Variants in PLPP4 observed in about 807,000 individuals in gnomAD.
PLPP4 encodes the protein phospholipid phosphatase 4, also known as diacylglycerol pyrophosphate like 2.
Under a neutral mutation model 32.2 loss-of-function variants are expected in PLPP4, and 20 were observed. The observed-to-expected ratio is 0.62, with a 90% CI of 0.44 to 0.90. The LOEUF (loss-of-function observed/expected upper bound fraction) is 0.90, where lower values mean the gene tolerates loss of function less well. PLPP4 is among the 40% of genes least tolerant of loss of function. PLPP4 has a pLI of 0.00. For synonymous variants in PLPP4, 127 were observed against 133.0 expected, an observed-to-expected ratio of 0.95 and a Z score of 0.31; for missense variants, 257 against 353.1, an observed-to-expected ratio of 0.73 and a Z score of 2.18.
chr10:120,489,088 G>T (rs1326662), intron 1 of PLPP4, among the ~76,000 whole-genome samples: 4 of 151,962 alleles, frequency 2.6e-5, no homozygotes, highest in Admixed American at 2.6e-4. Flanking sequence ...TGAAGATGAC[G>T]TCTCATTTAC....
At chr10:120,574,179 C>CTCTCT (rs1187151167) in intron 5 of PLPP4, among the ~76,000 whole-genome samples, 59 of 83,178 alleles carry the variant, frequency 7.1e-4, no homozygotes, top group Non-Finnish European at 9.4e-4. Flanking sequence ...CTCTCTCTCT[C>CTCTCT]TCTCTCTCTC....
intron 6 of PLPP4, chr10:120,580,943 C>G (rs1849477434): frequency 1.6e-6 from 2 of 1,289,214 alleles, no homozygotes. Flanking sequence ...TTACCATCGG[C>G]TGCCAACCCC....
At chr10:120,479,401 A>G (rs760141306) in intron 1 of PLPP4, among the ~76,000 whole-genome samples, 3 of 152,238 alleles carry the variant, frequency 2.0e-5, no homozygotes, top group African/African-American at 7.2e-5. Context: ...TAGAAAAACT[A>G]TCACTGAGCA....
At chr10:120,588,181 A>C (rs554491351) in intron 6 of PLPP4, among the ~76,000 whole-genome samples, 1 of 152,378 alleles carries the variant, frequency 6.6e-6, no homozygotes, top group African/African-American at 2.4e-5. Context: ...CTGGACTAGA[A>C]TCTTTTCAGC....
chr10:120,563,308 A>G (rs976900063), intron 5 of PLPP4, among the ~76,000 whole-genome samples: 1 of 152,256 alleles, frequency 6.6e-6, no homozygotes, highest in Non-Finnish European at 1.5e-5. Flanking sequence ...TGATAGATCA[A>G]ACATAAATTG....
intron 6 of PLPP4, among the ~76,000 whole-genome samples, chr10:120,586,141 T>C (rs2134085698): frequency 6.6e-6 from 1 of 151,776 alleles, no homozygotes; most frequent in African/African-American, 2.4e-5. Flanking sequence ...TTTTCTTTTT[T>C]TTTTTTTTAA....
At chr10:120,533,330 A>G (rs955754175) in intron 5 of PLPP4, among the ~76,000 whole-genome samples, 8 of 152,258 alleles carry the variant, frequency 5.3e-5, no homozygotes, top group South Asian at 2.1e-4. Flanking sequence ...AAAATTTTCT[A>G]TGCAAATCCT....
intron 6 of PLPP4, among the ~76,000 whole-genome samples, chr10:120,588,403 T>C (rs1160026202): frequency 6.6e-6 from 1 of 152,218 alleles, no homozygotes; most frequent in African/African-American, 2.4e-5. Context: ...GTAAGATCTG[T>C]ATCTGTTAGA....
chr10:120,575,981 A>G (rs1001344802), intron 6 of PLPP4, among the ~76,000 whole-genome samples: 1 of 152,180 alleles, frequency 6.6e-6, no homozygotes, highest in Non-Finnish European at 1.5e-5. Context: ...GACGGAGGTG[A>G]TGTCCATGGG....
chr10:120,582,753 CCCTCCCTCCCTCCCTCCCTT>C (rs1251146062), intron 6 of PLPP4, among the ~76,000 whole-genome samples: 41 of 67,966 alleles, frequency 6.0e-4, no homozygotes, highest in African/African-American at 2.4e-3. Context: ...TGTAAATATT[CCCTCCCTCCCTCCCTCCCTT>C]CCTCCCTCCC....
chr10:120,519,823 G>A (rs1224056760), intron 4 of PLPP4, among the ~76,000 whole-genome samples: 1 of 152,206 alleles, frequency 6.6e-6, no homozygotes, highest in Non-Finnish European at 1.5e-5. Flanking sequence ...TTCACCCGTG[G>A]TAGGTGCTCA....
chr10:120,549,427 A>G (rs1228580309), intron 5 of PLPP4, among the ~76,000 whole-genome samples: 1 of 151,714 alleles, frequency 6.6e-6, no homozygotes, highest in East Asian at 1.9e-4. Flanking sequence ...TTAATCATAC[A>G]TTTAAGGAAG....
intron 5 of PLPP4, among the ~76,000 whole-genome samples, chr10:120,525,895 A>G (rs1846367448): frequency 6.6e-6 from 1 of 151,940 alleles, no homozygotes; most frequent in Non-Finnish European, 1.5e-5. Context: ...GATGTACCTT[A>G]CCGGGATTTG....
At chr10:120,527,504 T>G (rs926925136) in intron 5 of PLPP4, among the ~76,000 whole-genome samples, 4 of 152,222 alleles carry the variant, frequency 2.6e-5, no homozygotes, top group African/African-American at 4.8e-5. Context: ...CTGCTAAAAA[T>G]ACCTTTACGG....
chr10:120,552,198 G>GTGTGTGTGTGTGTGTGTT (rs1847938886), intron 5 of PLPP4, among the ~76,000 whole-genome samples: 1 of 150,620 alleles, frequency 6.6e-6, no homozygotes, highest in Non-Finnish European at 1.5e-5. Flanking sequence ...GTGTGTGTGT[G>GTGTGTGTGTGTGTGTGTT]TGTGTGTGTG....
chr10:120,520,924 G>T, intron 4 of PLPP4, 47 bp from the exon 5 acceptor site: 1 of 1,610,432 alleles, frequency 6.2e-7, no homozygotes, highest in Non-Finnish European at 8.5e-7. Flanking sequence ...GGGGTCATTT[G>T]TGATGGCAGC....
At chr10:120,477,261 A>C (rs1009260409) in intron 1 of PLPP4, among the ~76,000 whole-genome samples, 1 of 151,674 alleles carries the variant, frequency 6.6e-6, no homozygotes, top group African/African-American at 2.4e-5. Context: ...AAGAAAAAAA[A>C]CCTTCTCTAC....
chr10:120,476,855 C>G (rs1438228585), intron 1 of PLPP4, among the ~76,000 whole-genome samples: 1 of 152,178 alleles, frequency 6.6e-6, no homozygotes, highest in African/African-American at 2.4e-5. Context: ...AATGTAAGCC[C>G]TTACATTGCC....
intron 1 of PLPP4, among the ~76,000 whole-genome samples, chr10:120,502,815 A>G (rs1288955039): frequency 6.6e-6 from 1 of 152,194 alleles, no homozygotes; most frequent in Admixed American, 6.5e-5. Flanking sequence ...TGGAAAAGTT[A>G]TGGACAAACC....
Sources: gnomAD v4.1 joint callset for allele counts (sites outside exome capture counted in the v4.1 genomes callset) on GRCh38, gnomAD v4.1.1 for gene constraint, MANE v1.5 for transcripts, NCBI Gene and HGNC (gene_info 2026-07-23, HGNC 2026-07-21) for gene names.